The following SHB variants were observed in gnomAD, a reference collection of about 807,000 sequenced individuals.
SHB encodes SH2 domain-containing adapter protein B.
Under a neutral mutation model 52.3 loss-of-function variants are expected in SHB, and 20 were observed. The ratio of observed to expected loss-of-function variants is 0.38; its 90% CI spans 0.27 to 0.56. SHB has a LOEUF of 0.56. Among genes scored for constraint, SHB ranks in the 20% least tolerant of loss-of-function variants. SHB has a pLI of 0.71. For synonymous variants in SHB, 397 were observed against 316.5 expected (o/e 1.25, Z -2.70); for missense variants, 825 against 723.3 (o/e 1.14, Z -1.61).
At chr9:38,060,083 G>A (rs1386791780) in intron 1 of SHB, among the ~76,000 whole-genome samples, 1 of 152,204 alleles carries the variant, frequency 6.6e-6, no homozygotes, top group African/African-American at 2.4e-5. Flanking sequence ...GGATTGTGCA[G>A]CTTGAGGTAG....
intron 4 of SHB, among the ~76,000 whole-genome samples, chr9:37,948,956 G>A (rs566945168): frequency 7.4e-4 from 112 of 152,284 alleles, no homozygotes; most frequent in Non-Finnish European, 6.8e-4. Context: ...CTCTTTTCAC[G>A]GGAAGCTTAT....
intron 1 of SHB, among the ~76,000 whole-genome samples, chr9:38,037,089 C>T (rs4878178): frequency 0.59 from 90,396 of 152,012 alleles, 27,011 homozygotes; most frequent in Middle Eastern, 0.66. Flanking sequence ...GTTCTGTGTA[C>T]TGCCCTGTAG....
At chr9:37,931,155 TAAAACTCTTACAGCCCAGGGG>T (rs1832307043) in intron 5 of SHB, among the ~76,000 whole-genome samples, 1 of 152,120 alleles carries the variant, frequency 6.6e-6, no homozygotes, top group South Asian at 2.1e-4. Context: ...ATAGAAACTA[TAAAACTCTTACAGCCCAGGGG>T]AAAAGCTCCT....
chr9:38,040,903 G>A (rs1000902906), intron 1 of SHB, among the ~76,000 whole-genome samples: 2 of 151,988 alleles, frequency 1.3e-5, no homozygotes, highest in Non-Finnish European at 2.9e-5. Context: ...GGGAGGGTGC[G>A]GGGTGGGGTT....
chr9:38,032,354 C>G (rs184908014), intron 1 of SHB, among the ~76,000 whole-genome samples: 447 of 152,322 alleles, frequency 2.9e-3, no homozygotes, highest in African/African-American at 0.01. Flanking sequence ...CAGCGTCACC[C>G]CAAAGCTCTG....
rs77390701 is a variant in SHB, at chr9:37,916,110, C to T, written c.*3711G>A. On this transcript the variant is annotated 3_prime_UTR_variant, in exon 6 of 6. Coordinates refer to ENST00000377707, the MANE Select transcript of SHB (RefSeq NM_003028.3). ...CAAGGGGCTTGCCCTCCTGCAAGCG[C>T]GCCTGTGAACAAGTCCCCGTGGGGT... Among the ~76,000 whole-genome samples the T allele has an allele frequency of 0.015, 2,286 of 152,318 alleles. 34 individuals are homozygous for T. The highest frequency in any genetic ancestry group is 0.076 in the East Asian group (391 of 5,176).
chr9:38,065,925 C>T (rs562814601), intron 1 of SHB, among the ~76,000 whole-genome samples: 91 of 152,214 alleles, frequency 6.0e-4, no homozygotes, highest in African/African-American at 1.9e-3. Flanking sequence ...AATAATGGCC[C>T]TGCCTCCAAG....
intron 2 of SHB, among the ~76,000 whole-genome samples, chr9:37,981,157 C>T (rs1820719742): frequency 6.6e-6 from 1 of 152,226 alleles, no homozygotes; most frequent in Admixed American, 6.5e-5. Context: ...TTCCCTATGG[C>T]TCTGAAAGTC....
intron 2 of SHB, among the ~76,000 whole-genome samples, chr9:38,003,614 C>A (rs533811460): frequency 6.6e-5 from 10 of 152,152 alleles, no homozygotes; most frequent in Non-Finnish European, 1.3e-4. Context: ...GGATTCTCCA[C>A]GAAGACCCTC....
intron 1 of SHB, among the ~76,000 whole-genome samples, chr9:38,017,484 G>A (rs1448346629): frequency 6.6e-6 from 1 of 152,226 alleles, no homozygotes; most frequent in Non-Finnish European, 1.5e-5. Flanking sequence ...GTGAGCAAGT[G>A]ACCGCCAGCT....
intron 1 of SHB, among the ~76,000 whole-genome samples, chr9:38,036,224 A>C (rs1228192788): frequency 6.6e-6 from 1 of 151,864 alleles, no homozygotes; most frequent in African/African-American, 2.4e-5. Context: ...GCCCCGACCC[A>C]CTCTAACGCA....
intron 1 of SHB, among the ~76,000 whole-genome samples, chr9:38,044,175 A>G (rs1008260702): frequency 3.9e-5 from 6 of 152,202 alleles, no homozygotes; most frequent in African/African-American, 1.2e-4. Context: ...ACACCTCATT[A>G]TCTGGCAACT....
chr9:38,005,630 T>G (rs1821068178), intron 2 of SHB, among the ~76,000 whole-genome samples: 1 of 152,218 alleles, frequency 6.6e-6, no homozygotes, highest in African/African-American at 2.4e-5. Context: ...CTCGGAGCCT[T>G]AGGGAGAGTC....
intron 1 of SHB, among the ~76,000 whole-genome samples, chr9:38,035,887 G>T (rs1471843264): frequency 2.0e-5 from 3 of 152,016 alleles, no homozygotes; most frequent in African/African-American, 7.3e-5. Context: ...GTGGGGCCTG[G>T]GATTAGTATT....
intron 1 of SHB, among the ~76,000 whole-genome samples, chr9:38,028,531 T>C (rs1821373024): frequency 6.6e-6 from 1 of 152,020 alleles, no homozygotes; most frequent in African/African-American, 2.4e-5. Context: ...CTAAAACCAA[T>C]CTCCTCCTTT....
intron 2 of SHB, among the ~76,000 whole-genome samples, chr9:38,000,705 A>C (rs1254475923): frequency 6.6e-6 from 1 of 152,172 alleles, no homozygotes; most frequent in African/African-American, 2.4e-5. Flanking sequence ...CAGTCCTATA[A>C]AGTGCATGGC....
chr9:37,996,499 G>A lies in SHB; in HGVS notation c.838+19512C>T, dbSNP rs114567849. Among the ~76,000 whole-genome samples, 542 of 152,314 alleles carry A rather than the reference G, an allele frequency of 3.6e-3. 6 individuals carry two copies. Among genetic ancestry groups the A allele is most frequent in the African/African-American group, 0.012 (517 of 41,566 alleles). ...AGCCCAGAGCCTAAATAAAGCAGCA[G>A]TTCTTTAAAAAAATTTGGTAATTCA... On this transcript the variant is annotated intron_variant, in intron 2 of 5. Coordinates refer to ENST00000377707, the MANE Select transcript of SHB (RefSeq NM_003028.3).
chr9:38,051,128 T>C (rs537540899), intron 1 of SHB, among the ~76,000 whole-genome samples: 1 of 152,232 alleles, frequency 6.6e-6, no homozygotes, highest in Admixed American at 6.5e-5. Context: ...TGACAAAGAA[T>C]CTGAGTCGAA....
chr9:37,948,488 A>G, intron 5 of SHB, 147 bp downstream of exon 5: 1 of 907,682 alleles, frequency 1.1e-6, no homozygotes, highest in Non-Finnish European at 1.7e-6. Context: ...GGAGAATAGG[A>G]TCAAATTGAA....
Sources: gnomAD v4.1 joint callset for allele counts (sites outside exome capture counted in the v4.1 genomes callset) on GRCh38, gnomAD v4.1.1 for gene constraint, MANE v1.5 for transcripts, NCBI Gene and HGNC (gene_info 2026-07-23, HGNC 2026-07-21) for gene names.